The following ANGPT2 variants were observed in gnomAD, a reference collection of about 807,000 sequenced individuals.
The protein encoded by ANGPT2 is angiopoietin-2.
Under a neutral mutation model 62.9 loss-of-function variants are expected in ANGPT2, and 28 were observed. The ratio of observed to expected loss-of-function variants is 0.44; its 90% CI spans 0.33 to 0.61. ANGPT2 has a LOEUF of 0.61. Ranked by LOEUF, ANGPT2 falls within the 20% of genes least tolerant of loss-of-function variation. ANGPT2 has a pLI of 0.03. For missense variants in ANGPT2, 727 were observed against 594.9 expected (o/e 1.22, Z -2.31); for synonymous variants, 284 against 207.8 (o/e 1.37, Z -3.15).
At chr8:6,537,121 G>A (rs572449690) in intron 1 of ANGPT2, among the ~76,000 whole-genome samples, 15 of 152,188 alleles carry the variant, frequency 9.9e-5, no homozygotes, top group Admixed American at 2.6e-4. Flanking sequence ...TGAACCTCCC[G>A]TGGGAGGGGA....
At position 6,513,394 on chromosome 8, in the gene ANGPT2, A is replaced by G. The variant is rs923274090; in HGVS notation, c.1196+284T>C. On this transcript the variant is annotated intron_variant, in intron 7 of 8. Coordinates refer to ENST00000629816, the MANE Select transcript of ANGPT2 (RefSeq NM_001118887.2). ...GTCGCCCAGGTTGCAGTGCCGTGGC[A>G]CGATCTCGGCTCACTGCAAGCTCCG... Among the ~76,000 whole-genome samples, 9 of 144,732 alleles carry G rather than the reference A, an allele frequency of 6.2e-5. No homozygotes were observed. The East Asian group carries it at 1.8e-3, about 29-fold the overall frequency. The allele number at this position is 144,732 out of a possible 152,430, so 94.9% of individuals were successfully genotyped here. A position where few individuals can be genotyped will look rare whatever the true frequency, so the allele number is the denominator to read the frequency against.
intron 1 of ANGPT2, among the ~76,000 whole-genome samples, chr8:6,545,623 G>C (rs551371119): frequency 1.3e-5 from 2 of 152,128 alleles, no homozygotes; most frequent in Non-Finnish European, 2.9e-5. Context: ...GATTCTTTCC[G>C]GATCAAGCAT....
intron 1 of ANGPT2, among the ~76,000 whole-genome samples, chr8:6,547,867 G>C (rs898848986): frequency 8.6e-5 from 13 of 151,500 alleles, no homozygotes; most frequent in Non-Finnish European, 1.5e-4. Flanking sequence ...GTTTGTTTCA[G>C]TGAGTCATCT....
At chr8:6,529,187 G>A (rs766241913) in intron 2 of ANGPT2, among the ~76,000 whole-genome samples, 25 of 152,158 alleles carry the variant, frequency 1.6e-4, no homozygotes, top group Non-Finnish European at 2.8e-4. Flanking sequence ...GCCTGAAGGC[G>A]TCCATCTGCA....
Position 6,519,894 on chromosome 8 carries a change from T to C in ANGPT2, c.897A>G (p.Leu299=). ...SGHTTNGIYT[L]TFPNSTEEIK... is the part of the protein sequence containing the mutation. ...TCTCTTCTGTAGAATTAGGGAATGT[T>C]AACGTGTAGATGCCATTCGTGGTGT... The change falls in exon 5 of 9, where the codon TTA becomes TTG. Residue 299 remains leucine, a synonymous_variant. Coordinates refer to ENST00000629816, the MANE Select transcript of ANGPT2 (RefSeq NM_001118887.2). The C allele has an allele frequency of 6.2e-7, 1 of 1,614,074 alleles. No homozygotes were observed.
chr8:6,514,334 T>C (rs1236598104), intron 6 of ANGPT2, among the ~76,000 whole-genome samples: 1 of 151,984 alleles, frequency 6.6e-6, no homozygotes, highest in Non-Finnish European at 1.5e-5. Context: ...GGATTACAGG[T>C]GTGCACCACC....
At chr8:6,530,777 A>G (rs1032230704) in intron 2 of ANGPT2, among the ~76,000 whole-genome samples, 3 of 152,120 alleles carry the variant, frequency 2.0e-5, no homozygotes, top group Non-Finnish European at 4.4e-5. Context: ...TTGTTAATCT[A>G]TCATTTCACT....
chr8:6,504,280 T>C (rs1479510605), intron 8 of ANGPT2, among the ~76,000 whole-genome samples: 1 of 132,000 alleles, frequency 7.6e-6, no homozygotes, highest in South Asian at 2.4e-4. Context: ...ATCGCGCCAC[T>C]GCACTCCAGC....
At position 6,503,245 on chromosome 8, in the gene ANGPT2, T is replaced by C. The variant is rs1812556686; in HGVS notation, c.1344A>G (p.Ala448=). The C allele has an allele frequency of 3.1e-6, 5 of 1,614,154 alleles. No homozygotes were observed. The South Asian group carries it at 3.3e-5, about 11-fold the overall frequency. The change falls in exon 9 of 9, where the codon GCA becomes GCG. Residue 448 remains alanine, a synonymous_variant. Transcript: ENST00000629816. ...TTCCGTTCAAGTTGGAAGGACCACATGCATCAAACCACCAGCCTGTGAAAG... is the reference window on the plus strand; with the variant it reads ...TTCCGTTCAAGTTGGAAGGACCACACGCATCAAACCACCAGCCTGTGAAAG... The part of the protein sequence containing the change: ...QMLTGGWWFD[A]CGPSNLNGMY...
intron 2 of ANGPT2, among the ~76,000 whole-genome samples, chr8:6,530,391 C>T (rs755242701): frequency 2.0e-5 from 3 of 151,892 alleles, no homozygotes; most frequent in Non-Finnish European, 4.4e-5. Context: ...CACCTGTAAT[C>T]CCAGCTACGC....
intron 1 of ANGPT2, among the ~76,000 whole-genome samples, chr8:6,558,129 G>A (rs571107249): frequency 2.6e-5 from 4 of 152,150 alleles, no homozygotes; most frequent in Admixed American, 2.6e-4. Context: ...TTTTGGGCCA[G>A]GAAAGATCCT....
chr8:6,508,803 G>A, intron 8 of ANGPT2, 129 bp downstream of exon 8: 1 of 1,289,216 alleles, frequency 7.8e-7, no homozygotes, highest in Non-Finnish European at 1.1e-6. Context: ...CCTATATCAA[G>A]CTAGTGTGTC....
Position 6,532,502 on chromosome 8 carries a change from T to C in ANGPT2, c.289-15A>G, listed in dbSNP as rs1819707739. The C allele has an allele frequency of 1.9e-6, 3 of 1,593,060 alleles. No homozygotes were observed. Among genetic ancestry groups the C allele is most frequent in the African/African-American group, 1.3e-5 (1 of 74,134 alleles). ...TAATTCTCAAGCTAGAAAAGAACAGTGTTAGAAGGCAGTCATTAGTCAAAT... is the reference window on the plus strand; with the variant it reads ...TAATTCTCAAGCTAGAAAAGAACAGCGTTAGAAGGCAGTCATTAGTCAAAT... On this transcript the variant is annotated splice_polypyrimidine_tract_variant and intron_variant, in intron 1 of 8. Coordinates refer to ENST00000629816, the MANE Select transcript of ANGPT2 (RefSeq NM_001118887.2).
At chr8:6,559,197 A>G (rs1825122181) in intron 1 of ANGPT2, among the ~76,000 whole-genome samples, 1 of 150,490 alleles carries the variant, frequency 6.6e-6, no homozygotes, top group African/African-American at 2.4e-5. Flanking sequence ...GTTTTAATAT[A>G]CAGCTATTGA....
chr8:6,521,512 A>G (rs970425534), intron 3 of ANGPT2, 102 bp from the exon 4 acceptor site: 16 of 867,704 alleles, frequency 1.8e-5, no homozygotes, highest in African/African-American at 3.4e-5. Flanking sequence ...AAGATATTGT[A>G]GTGGTTATAA....
chr8:6,560,504 C>G (rs767501879), intron 1 of ANGPT2, among the ~76,000 whole-genome samples: 2 of 152,144 alleles, frequency 1.3e-5, no homozygotes, highest in Non-Finnish European at 2.9e-5. Flanking sequence ...CATTCCCAAG[C>G]CAGAAGCCGT....
chr8:6,514,651 T>C (rs2979671), intron 6 of ANGPT2, 26 bp downstream of exon 6: 592,310 of 1,593,554 alleles, frequency 0.37, 111,897 homozygotes, highest in Middle Eastern at 0.46. Flanking sequence ...GAAATTCTTT[T>C]CTGATGCCTT....
At chr8:6,530,139 G>T (rs187106957) in intron 2 of ANGPT2, among the ~76,000 whole-genome samples, 10 of 152,222 alleles carry the variant, frequency 6.6e-5, no homozygotes, top group Non-Finnish European at 1.5e-4. Flanking sequence ...ACCCATCAGT[G>T]TTAGTATCAA....
chr8:6,555,602 C>T (rs1028418986), intron 1 of ANGPT2, among the ~76,000 whole-genome samples: 1 of 151,932 alleles, frequency 6.6e-6, no homozygotes, highest in African/African-American at 2.4e-5. Flanking sequence ...GCTGAGACTA[C>T]AGGCATGTAC....
Sources: allele counts gnomAD v4.1 joint callset (sites outside exome capture counted in the v4.1 genomes callset), GRCh38; gene constraint gnomAD v4.1.1; transcripts MANE v1.5; gene names NCBI Gene and HGNC (gene_info 2026-07-23, HGNC 2026-07-21).